The following CFH variants were observed in gnomAD, a reference collection of about 807,000 sequenced individuals.
The protein encoded by CFH is H factor 1 (complement).
A neutral mutation model predicts 147.3 loss-of-function variants in CFH; 53 were observed. The observed-to-expected ratio is 0.36, with a 90% CI of 0.29 to 0.45. The LOEUF (loss-of-function observed/expected upper bound fraction) is 0.45, where lower values mean the gene tolerates loss of function less well. Ranked by LOEUF, CFH falls within the 20% of genes least tolerant of loss-of-function variation. CFH has a pLI of 1.00. For synonymous variants in CFH, 536 were observed against 489.4 expected (o/e 1.10, Z -1.26); for missense variants, 1,380 against 1,498.0 (o/e 0.92, Z 1.30).
At chr1:196,706,505 G>T (rs190236345) in intron 9 of CFH, among the ~76,000 whole-genome samples, 1 of 152,072 alleles carries the variant, frequency 6.6e-6, no homozygotes, top group African/African-American at 2.4e-5. Flanking sequence ...ATAAACTTCA[G>T]CCTAAAATCC....
intron 1 of CFH, among the ~76,000 whole-genome samples, chr1:196,665,589 G>A (rs1667054449): frequency 6.6e-6 from 1 of 151,728 alleles, no homozygotes; most frequent in South Asian, 2.1e-4. Context: ...ATTTCCAGTG[G>A]GTTTTATTTT....
chr1:196,677,729 A>G (rs1667508233), intron 5 of CFH, 62 bp downstream of exon 5: 4 of 1,437,322 alleles, frequency 2.8e-6, no homozygotes, highest in East Asian at 2.3e-5. Flanking sequence ...CATTTAAAAC[A>G]TCGTTCATTC....
chr1:196,713,832 A>G lies in CFH; in HGVS notation c.1434A>G (p.Lys478=), dbSNP rs1320449515. ...AAGAAAAAGCGAAATATCAATGCAA[A>G]CTAGGATATGTAACAGCAGATGGTG... ...ALKEKAKYQC[K]LGYVTADGET... is the part of the protein sequence containing the mutation. Residue 478 remains lysine, a synonymous_variant, in exon 10 of 22, where the codon AAA becomes AAG. Coordinates refer to ENST00000367429, the MANE Select transcript of CFH (RefSeq NM_000186.4). 2.5e-6 allele frequency: 4 copies of G among 1,612,690 alleles called. No homozygotes were observed. The Admixed American group carries it at 5.0e-5, about 20-fold the overall frequency.
Position 196,685,046 on chromosome 1 carries a change from T to A in CFH, c.791-18T>A. The A allele has an allele frequency of 6.4e-7, 1 of 1,558,622 alleles. No homozygotes were observed. Among genetic ancestry groups the A allele is most frequent in the South Asian group, 1.1e-5 (1 of 89,942 alleles). On this transcript the variant is annotated intron_variant, in intron 6 of 21. Transcript: ENST00000367429. ...GATACTTATTTCTGCATTATCCATA[T>A]ATCCTTTTTCTTTTCAGAAAAATCA...
chr1:196,741,359 CCTT>C (rs1397857854), intron 18 of CFH: 1 of 175,420 alleles, frequency 5.7e-6, no homozygotes, highest in African/African-American at 2.4e-5. Context: ...GAAGCAGGCA[CCTT>C]CTTCACAAGG....
intron 9 of CFH, among the ~76,000 whole-genome samples, chr1:196,692,901 C>CCCTTCCTT (rs71131720): frequency 4.2e-5 from 3 of 70,674 alleles, no homozygotes; most frequent in East Asian, 3.2e-4. Context: ...CTCCCTCCCT[C>CCCTTCCTT]CCTTCCTTCC....
At chr1:196,689,763 T>C (rs768584685) in intron 8 of CFH, 149 bp downstream of exon 8, 25 of 876,518 alleles carry the variant, frequency 2.9e-5, no homozygotes, top group Non-Finnish European at 4.2e-5. Context: ...ATAGATCTTT[T>C]CTATTATGAG....
At chr1:196,728,200 A>G in intron 14 of CFH, 146 bp from the exon 15 acceptor site, 1 of 574,936 alleles carries the variant, frequency 1.7e-6, no homozygotes, top group East Asian at 3.3e-5. Flanking sequence ...ATGCAATGTG[A>G]TCAGGAATAA....
intron 1 of CFH, among the ~76,000 whole-genome samples, chr1:196,665,669 G>A (rs951752415): frequency 5.9e-5 from 9 of 152,064 alleles, no homozygotes; most frequent in South Asian, 4.1e-4. Flanking sequence ...GTGCAATGGC[G>A]TGATCTTGGG....
In CFH at chr1:196,690,055, G is replaced by T; in HGVS notation, c.1160-8G>T. 1 of 1,600,822 alleles carries T rather than the reference G, an allele frequency of 6.2e-7. No homozygotes were observed. Among genetic ancestry groups the T allele is most frequent in the Non-Finnish European group, 8.5e-7 (1 of 1,169,840 alleles). ...ACTTTATTTATTTATCATTGTTATG[G>T]TCCTTAGGAAAATGTTATTTTCCTT... On this transcript the variant is annotated splice_polypyrimidine_tract_variant and splice_region_variant and intron_variant, in intron 8 of 21. Coordinates refer to ENST00000367429, the MANE Select transcript of CFH (RefSeq NM_000186.4).
intron 7 of CFH, 55 bp from the exon 8 acceptor site, chr1:196,689,365 G>A (rs1667945145): frequency 3.4e-6 from 5 of 1,450,482 alleles, no homozygotes; most frequent in Non-Finnish European, 4.8e-6. Flanking sequence ...TCTCTAATAT[G>A]AGTGTTTATT....
intron 7 of CFH, among the ~76,000 whole-genome samples, chr1:196,688,032 CAG>C (rs1667886722): frequency 6.6e-6 from 1 of 151,580 alleles, no homozygotes; most frequent in African/African-American, 2.4e-5. Flanking sequence ...AAATAAATCA[CAG>C]AATTTAAGAA....
chr1:196,666,937 A>T (rs1014997912), intron 1 of CFH, among the ~76,000 whole-genome samples: 5 of 151,802 alleles, frequency 3.3e-5, no homozygotes, highest in Admixed American at 3.3e-4. Flanking sequence ...ATTGGTAGAG[A>T]TTTGCTTGGA....
intron 3 of CFH, 121 bp from the exon 4 acceptor site, chr1:196,675,868 A>C (rs1667435536): frequency 1.7e-6 from 1 of 601,970 alleles, no homozygotes; most frequent in South Asian, 2.4e-5. Context: ...AAGAAACAAG[A>C]AAATGCATAT....
At chr1:196,706,900 C>A (rs1253323335) in intron 9 of CFH, among the ~76,000 whole-genome samples, 1 of 152,106 alleles carries the variant, frequency 6.6e-6, no homozygotes, top group Non-Finnish European at 1.5e-5. Context: ...ATTTTAAATA[C>A]TTGCTTGTAT....
At chr1:196,695,648 T>A (rs79628537) in intron 9 of CFH, among the ~76,000 whole-genome samples, 2 of 152,244 alleles carry the variant, frequency 1.3e-5, no homozygotes, top group South Asian at 4.1e-4. Context: ...GGATGGAATA[T>A]TTTTCTATTT....
intron 1 of CFH, among the ~76,000 whole-genome samples, chr1:196,666,584 G>A (rs1157786302): frequency 1.3e-5 from 2 of 151,642 alleles, no homozygotes; most frequent in African/African-American, 4.8e-5. Context: ...GGAGGCCGAG[G>A]TCAGGAGATT....
chr1:196,696,385 A>G (rs1429229747), intron 9 of CFH, among the ~76,000 whole-genome samples: 1 of 152,206 alleles, frequency 6.6e-6, no homozygotes, highest in East Asian at 1.9e-4. Context: ...AAAGTAAGGC[A>G]GAAGTAAATA....
In CFH at chr1:196,710,724, A is replaced by C. The variant is rs560979500; in HGVS notation, c.1337-3011A>C. 1.2e-3 allele frequency among the ~76,000 whole-genome samples: 179 copies of C among 152,262 alleles called. 1 individual carries two copies. Among genetic ancestry groups the C allele is most frequent in the African/African-American group, 4.0e-3 (166 of 41,556 alleles). ...GATATGTAATAGTATTAAATTTTTC[A>C]ATCCATGAATATTATATATCCTTTG... On this transcript the variant is annotated intron_variant, in intron 9 of 21. Coordinates refer to ENST00000367429, the MANE Select transcript of CFH (RefSeq NM_000186.4).
Sources: allele counts gnomAD v4.1 joint callset (sites outside exome capture counted in the v4.1 genomes callset), GRCh38; gene constraint gnomAD v4.1.1; transcripts MANE v1.5; gene names NCBI Gene and HGNC (gene_info 2026-07-23, HGNC 2026-07-21).